SRD5A3: variants seen among roughly 807,000 people sequenced by gnomAD.
The protein encoded by SRD5A3 is steroid 5 alpha-reductase 3.
Under a neutral mutation model 34.3 loss-of-function variants are expected in SRD5A3, and 24 were observed. That is an observed-to-expected ratio of 0.70 (90% CI 0.51 to 0.99). The LOEUF is 0.99. Among genes scored for constraint, SRD5A3 ranks in the 50% least tolerant of loss-of-function variants. SRD5A3 has a pLI of 0.00. For missense variants in SRD5A3, 350 were observed against 388.2 expected, an observed-to-expected ratio of 0.90 and a Z score of 0.83; for synonymous variants, 161 against 167.3, an observed-to-expected ratio of 0.96 and a Z score of 0.29.
chr4:55,352,980 G>T (rs1241202538), intron 1 of SRD5A3, among the ~76,000 whole-genome samples: 1 of 152,192 alleles, frequency 6.6e-6, no homozygotes, highest in Non-Finnish European at 1.5e-5. Context: ...TGCAGCCTAT[G>T]CTAGAATTTG....
At chr4:55,364,344 C>G in intron 3 of SRD5A3, 73 bp downstream of exon 3, 1 of 1,510,416 alleles carries the variant, frequency 6.6e-7, no homozygotes, top group South Asian at 1.1e-5. Context: ...TTGTGCTGTG[C>G]TAAGCATTAT....
intron 2 of SRD5A3, among the ~76,000 whole-genome samples, chr4:55,361,802 T>TAA (rs979378099): frequency 1.3e-5 from 2 of 150,492 alleles, no homozygotes; most frequent in Non-Finnish European, 3.0e-5. Context: ...AGACTCCATC[T>TAA]AAAAAAAAAG....
At chr4:55,363,182 A>G (rs1719749262) in intron 2 of SRD5A3, among the ~76,000 whole-genome samples, 2 of 151,860 alleles carry the variant, frequency 1.3e-5, no homozygotes, top group Non-Finnish European at 2.9e-5. Context: ...TGGGCGTGGT[A>G]TCTCACACCT....
At chr4:55,347,056 A>T (rs1033467915) in intron 1 of SRD5A3, among the ~76,000 whole-genome samples, 2 of 152,186 alleles carry the variant, frequency 1.3e-5, no homozygotes, top group Admixed American at 1.3e-4. Flanking sequence ...CAACCCTTGC[A>T]GTGGGGACAA....
At chr4:55,359,560 T>C (rs1365467996) in intron 2 of SRD5A3, 72 bp downstream of exon 2, 7 of 1,603,256 alleles carry the variant, frequency 4.4e-6, no homozygotes, top group Non-Finnish European at 5.1e-6. Context: ...GGAGCAGTTT[T>C]TGGCATTTTG....
In SRD5A3 at chr4:55,364,240, G is replaced by T; in HGVS notation, c.531G>T (p.Val177=). 6.2e-7 allele frequency: 1 copy of T among 1,614,152 alleles called. No individual in the cohort carries two copies. The highest frequency in any genetic ancestry group is 8.5e-7 in the Non-Finnish European group (1 of 1,180,042). Residue 177 remains valine (V), a synonymous_variant, in exon 3 of 5, where the codon GTG becomes GTT. Coordinates refer to ENST00000264228, the MANE Select transcript of SRD5A3 (RefSeq NM_024592.5). Reference sequence around the variant, plus strand: ...ATTATGTCCTTGTTGGCCTAACTGTGCTGAGCCAAGTGCCAATGGATGGCA... The same window carrying T: ...ATTATGTCCTTGTTGGCCTAACTGTTCTGAGCCAAGTGCCAATGGATGGCA... ...LVYYVLVGLT[V]LSQVPMDGRN... is the part of the protein sequence containing the mutation.
At chr4:55,356,771 G>A (rs1018387725) in intron 1 of SRD5A3, among the ~76,000 whole-genome samples, 9 of 151,772 alleles carry the variant, frequency 5.9e-5, no homozygotes, top group African/African-American at 2.2e-4. Flanking sequence ...GTGCAATGGC[G>A]CGATCTTGGC....
At chr4:55,355,327 G>A (rs149124748) in intron 1 of SRD5A3, among the ~76,000 whole-genome samples, 7,176 of 152,060 alleles carry the variant, frequency 0.047, 534 homozygotes, top group African/African-American at 0.16. Flanking sequence ...GCGTGGTGGC[G>A]GGCGCCTATA....
chr4:55,367,202 G>A (rs1411976661), intron 3 of SRD5A3: 3 of 277,070 alleles, frequency 1.1e-5, no homozygotes, highest in African/African-American at 6.6e-5. Context: ...ACTGGACTTA[G>A]CAAGGGAAAC....
intron 1 of SRD5A3, among the ~76,000 whole-genome samples, chr4:55,353,007 A>T (rs1352264655): frequency 6.6e-6 from 1 of 151,932 alleles, no homozygotes; most frequent in Admixed American, 6.6e-5. Flanking sequence ...ATTTTGAGTG[A>T]GTGGAAGCTA....
chr4:55,359,983 C>A (rs1028793385), intron 2 of SRD5A3, among the ~76,000 whole-genome samples: 6 of 152,102 alleles, frequency 3.9e-5, no homozygotes, highest in Admixed American at 3.9e-4. Context: ...GAGGCCAAGG[C>A]GGGCAGATCA....
intron 1 of SRD5A3, among the ~76,000 whole-genome samples, chr4:55,352,657 T>C (rs992953424): frequency 4.6e-5 from 7 of 152,246 alleles, no homozygotes; most frequent in Non-Finnish European, 1.0e-4. Flanking sequence ...TGTTTGTTGA[T>C]TAACTGGATG....
At position 55,351,175 on chromosome 4, in the gene SRD5A3, C is replaced by T. The variant is rs1265443656; in HGVS notation, c.221+4618C>T. ...GCAACCTCCACCTCCCGGGTTCAAG[C>T]GATTCTCCTGCCTAAGCCCCCCAGC... is the stretch of plus-strand genomic sequence containing the variant. On this transcript the variant is annotated intron_variant, in intron 1 of 4. Transcript: ENST00000264228. Among the ~76,000 whole-genome samples the T allele has an allele frequency of 3.3e-5, 5 of 151,772 alleles. No homozygotes were observed. The South Asian group carries it at 6.3e-4, about 19-fold the overall frequency.
chr4:55,354,104 T>G (rs1719328527), intron 1 of SRD5A3, among the ~76,000 whole-genome samples: 1 of 152,052 alleles, frequency 6.6e-6, no homozygotes, highest in South Asian at 2.1e-4. Flanking sequence ...TAGTTTTTGT[T>G]TGTTTGTTTT....
intron 1 of SRD5A3, 118 bp from the exon 2 acceptor site, chr4:55,359,228 A>C: frequency 7.3e-7 from 1 of 1,361,606 alleles, no homozygotes; most frequent in South Asian, 1.2e-5. Flanking sequence ...TAAAAAGCAA[A>C]GGTATACTTT....
At chr4:55,348,145 T>C (rs1348936400) in intron 1 of SRD5A3, among the ~76,000 whole-genome samples, 3 of 152,232 alleles carry the variant, frequency 2.0e-5, no homozygotes, top group South Asian at 4.1e-4. Context: ...TGGTTCTGTT[T>C]GGACTTCCTG....
Position 55,370,364 on chromosome 4 carries a change from T to G in SRD5A3, c.*273T>G. The G allele has an allele frequency of 2.1e-6, 1 of 483,740 alleles. No homozygotes were observed. The highest frequency in any genetic ancestry group is 3.7e-6 in the Non-Finnish European group (1 of 267,826). The allele number at this position is 483,740 out of a possible 1,614,324, so 30.0% of individuals were successfully genotyped here. A position where few individuals can be genotyped will look rare whatever the true frequency, so the allele number is the denominator to read the frequency against. On this transcript the variant is annotated 3_prime_UTR_variant, in exon 5 of 5. Transcript: ENST00000264228. Reference sequence around the variant, plus strand: ...CTAAAACCAACCAACTGATAAAAAGTAGATGAGACTTCTCCAAGCTGCTTC... The same window carrying G: ...CTAAAACCAACCAACTGATAAAAAGGAGATGAGACTTCTCCAAGCTGCTTC...
chr4:55,366,782 C>T (rs899109408), intron 3 of SRD5A3: 4 of 152,304 alleles, frequency 2.6e-5, no homozygotes, highest in Non-Finnish European at 5.9e-5. Flanking sequence ...AAGCCTCCGA[C>T]TAGGCTAACT....
chr4:55,347,726 T>C (rs2109458215), intron 1 of SRD5A3, among the ~76,000 whole-genome samples: 1 of 152,320 alleles, frequency 6.6e-6, no homozygotes, highest in South Asian at 2.1e-4. Context: ...GGGACAAGTA[T>C]AATTTGGCTT....
Sources: gnomAD v4.1 joint callset for allele counts (sites outside exome capture counted in the v4.1 genomes callset) on GRCh38, gnomAD v4.1.1 for gene constraint, MANE v1.5 for transcripts, NCBI Gene and HGNC (gene_info 2026-07-23, HGNC 2026-07-21) for gene names.